Variants in GRIP1 observed in about 807,000 individuals in gnomAD.
GRIP1 encodes the protein glutamate receptor interacting protein 1.
GRIP1 carries 45 observed loss-of-function variants against 129.9 expected under a neutral mutation model. The ratio of observed to expected loss-of-function variants is 0.35; its 90% CI spans 0.27 to 0.44. GRIP1 has a LOEUF of 0.44. GRIP1 is among the 20% of genes least tolerant of loss of function. The probability of loss-of-function intolerance (pLI) is 1.00; values close to 1 mark genes in which losing one functional copy is unlikely to be tolerated. For missense variants in GRIP1, 1,196 were observed against 1,396.8 expected, an observed-to-expected ratio of 0.86 and a Z score of 2.29; for synonymous variants, 530 against 520.8, an observed-to-expected ratio of 1.02 and a Z score of -0.24.
At position 66,769,813 on chromosome 12, in the gene GRIP1, AAC is replaced by A. The variant is rs1012814342; in HGVS notation, c.-420+34238_-420+34239del. Among the ~76,000 whole-genome samples the A allele has an allele frequency of 1.3e-3, 204 of 152,326 alleles. 1 individual carries two copies. The highest frequency in any genetic ancestry group is 4.5e-3 in the African/African-American group (189 of 41,570). On this transcript the variant is annotated intron_variant, in intron 1 of 4. Coordinates refer to the GRIP1 transcript ENST00000538373. ...TACACCTCTTGAACTCACAAAAAAT[AAC>A]AGAGTATTAGGAAAGGAGGATGTTT...
chr12:66,478,672 T>C (rs12320910), intron 7 of GRIP1, among the ~76,000 whole-genome samples: 8,534 of 151,382 alleles, frequency 0.056, 524 homozygotes, highest in East Asian at 0.22. Flanking sequence ...ATGTGGCACA[T>C]ATACACCATG....
At chr12:66,417,896 C>A (rs1207560908) in intron 15 of GRIP1, among the ~76,000 whole-genome samples, 2 of 152,102 alleles carry the variant, frequency 1.3e-5, no homozygotes, top group African/African-American at 2.4e-5. Flanking sequence ...CTATCTGTAT[C>A]AAAATACCAA....
At chr12:66,665,649 C>T (rs753877295) in intron 1 of GRIP1, among the ~76,000 whole-genome samples, 16 of 152,008 alleles carry the variant, frequency 1.1e-4, no homozygotes, top group Non-Finnish European at 1.9e-4. Flanking sequence ...CAATAATTAC[C>T]ACATGTATTT....
chr12:66,529,691 C>T, intron 5 of GRIP1, 140 bp downstream of exon 5: 1 of 677,540 alleles, frequency 1.5e-6, no homozygotes, highest in Non-Finnish European at 2.7e-6. Context: ...GTGTATACTG[C>T]TCGGGTCGTG....
chr12:66,770,288 A>G (rs1566013356), intron 1 of GRIP1, among the ~76,000 whole-genome samples: 1 of 152,216 alleles, frequency 6.6e-6, no homozygotes, highest in Non-Finnish European at 1.5e-5. Context: ...AGGACTGTCA[A>G]ACTTCAAATT....
chr12:66,924,680 T>C (rs1389024349), intron 1 of GRIP1, among the ~76,000 whole-genome samples: 1 of 152,062 alleles, frequency 6.6e-6, no homozygotes, highest in Non-Finnish European at 1.5e-5. Flanking sequence ...TAAAAATTAA[T>C]AGAGCGGCCA....
At chr12:66,406,914 T>C (rs1283133519) in intron 15 of GRIP1, among the ~76,000 whole-genome samples, 1 of 152,054 alleles carries the variant, frequency 6.6e-6, no homozygotes, top group Non-Finnish European at 1.5e-5. Context: ...ATGGCCAGAG[T>C]AGCATGAAAA....
chr12:66,394,036 A>T (rs998455170), intron 17 of GRIP1, among the ~76,000 whole-genome samples, 172 bp downstream of exon 17: 4 of 152,212 alleles, frequency 2.6e-5, no homozygotes, highest in Admixed American at 2.0e-4. Context: ...GATGCCCCTC[A>T]GAGTCAAGTC....
chr12:66,960,309 A>C (rs1235604579), intron 1 of GRIP1, among the ~76,000 whole-genome samples: 1 of 152,196 alleles, frequency 6.6e-6, no homozygotes, highest in Non-Finnish European at 1.5e-5. Context: ...AGAGCTGTAC[A>C]TACGGAGAGA....
chr12:66,764,425 T>C (rs11831250), intron 1 of GRIP1, among the ~76,000 whole-genome samples: 1,993 of 152,304 alleles, frequency 0.013, 52 homozygotes, highest in African/African-American at 0.046. Flanking sequence ...ATTTATGATG[T>C]TTTCCATAAG....
At chr12:66,879,337 G>A (rs1380157640) in intron 1 of GRIP1, among the ~76,000 whole-genome samples, 1 of 151,974 alleles carries the variant, frequency 6.6e-6, no homozygotes, top group Admixed American at 6.6e-5. Flanking sequence ...TACATACCAG[G>A]TGCTTAGTGC....
At chr12:66,521,947 C>T (rs973763182) in intron 5 of GRIP1, among the ~76,000 whole-genome samples, 3 of 152,128 alleles carry the variant, frequency 2.0e-5, no homozygotes, top group African/African-American at 7.2e-5. Context: ...GGCAGTGAGG[C>T]TGGGGGAGGG....
At chr12:66,929,251 A>G (rs1178045807) in intron 1 of GRIP1, among the ~76,000 whole-genome samples, 1 of 152,128 alleles carries the variant, frequency 6.6e-6, no homozygotes, top group African/African-American at 2.4e-5. Context: ...CTAACTCTGC[A>G]TGGCTGGTTT....
At chr12:66,598,411 A>G (rs1185048331) in intron 1 of GRIP1, among the ~76,000 whole-genome samples, 2 of 152,228 alleles carry the variant, frequency 1.3e-5, no homozygotes, top group Non-Finnish European at 2.9e-5. Context: ...ATAAACTACC[A>G]ACTTTCAGAT....
chr12:66,739,557 T>C (rs2136547045), intron 1 of GRIP1, among the ~76,000 whole-genome samples: 1 of 152,110 alleles, frequency 6.6e-6, no homozygotes, highest in Non-Finnish European at 1.5e-5. Context: ...GAGGGGAGCA[T>C]TTAATAGTCC....
intron 2 of GRIP1, among the ~76,000 whole-genome samples, chr12:66,561,732 A>T (rs560304078): frequency 5.3e-4 from 80 of 152,224 alleles, no homozygotes; most frequent in African/African-American, 1.3e-3. Context: ...GGCTTAAAAA[A>T]ATATATATAT....
intron 13 of GRIP1, 45 bp downstream of exon 13, chr12:66,444,539 A>G (rs377385188): frequency 7.0e-5 from 103 of 1,463,560 alleles, no homozygotes; most frequent in Admixed American, 4.9e-4. Context: ...CCACATAACC[A>G]ATATAACTCA....
chr12:66,563,178 C>CTG (rs916631817), intron 2 of GRIP1, among the ~76,000 whole-genome samples: 5 of 151,464 alleles, frequency 3.3e-5, no homozygotes, highest in Non-Finnish European at 5.9e-5. Flanking sequence ...ACTATATACA[C>CTG]TGTGTGTGTG....
chr12:66,911,868 C>A (rs1353993256), intron 1 of GRIP1, among the ~76,000 whole-genome samples: 1 of 152,184 alleles, frequency 6.6e-6, no homozygotes, highest in Non-Finnish European at 1.5e-5. Context: ...ACACAGTGTG[C>A]AACCAGCTGC....
Sources: gnomAD v4.1 joint callset for allele counts (sites outside exome capture counted in the v4.1 genomes callset) on GRCh38, gnomAD v4.1.1 for gene constraint, MANE v1.5 for transcripts, NCBI Gene and HGNC (gene_info 2026-07-23, HGNC 2026-07-21) for gene names.